The following TPRG1 variants were observed in gnomAD, a reference collection of about 807,000 sequenced individuals.
TPRG1 encodes tumor protein p63-regulated gene 1 protein.
A neutral mutation model predicts 29.3 loss-of-function variants in TPRG1; 29 were observed. The observed-to-expected ratio is 0.99, with a 90% CI of 0.74 to 1.35. The LOEUF (loss-of-function observed/expected upper bound fraction) is 1.35, where lower values mean the gene tolerates loss of function less well. Ranked by LOEUF, TPRG1 falls within the 40% of genes most tolerant of loss-of-function variation. The pLI is 0.00. For synonymous variants in TPRG1, 130 were observed against 116.8 expected, an observed-to-expected ratio of 1.11 and a Z score of -0.73; for missense variants, 327 against 335.0, an observed-to-expected ratio of 0.98 and a Z score of 0.19.
At chr3:189,015,021 AAGATGACGC>A (rs1452402983) in intron 3 of TPRG1, among the ~76,000 whole-genome samples, 3 of 152,312 alleles carry the variant, frequency 2.0e-5, no homozygotes, top group African/African-American at 7.2e-5. Context: ...AGAAGAAGAT[AAGATGACGC>A]AGGAAAGTTT....
chr3:189,021,567 T>A (rs1713311355), intron 3 of TPRG1, among the ~76,000 whole-genome samples: 1 of 152,186 alleles, frequency 6.6e-6, no homozygotes, highest in Non-Finnish European at 1.5e-5. Context: ...CCCCCCACTC[T>A]CTTCTGGCTT....
chr3:189,264,540 TC>T (rs199515141), intron 4 of TPRG1, among the ~76,000 whole-genome samples: 4,676 of 152,036 alleles, frequency 0.031, 237 homozygotes, highest in African/African-American at 0.11. Context: ...TCTTTTTTTT[TC>T]ATATCATTCC....
At chr3:189,045,814 A>C (rs1220464687) in intron 4 of TPRG1, among the ~76,000 whole-genome samples, 33 of 152,260 alleles carry the variant, frequency 2.2e-4, no homozygotes, top group Admixed American at 2.2e-3. Flanking sequence ...CCTGGGGCTG[A>C]CTGGTTTGGA....
chr3:189,018,000 A>T (rs955151522), intron 3 of TPRG1, among the ~76,000 whole-genome samples: 1 of 150,736 alleles, frequency 6.6e-6, no homozygotes, highest in African/African-American at 2.4e-5. Context: ...GCATTTTTTC[A>T]TGTGTTTTTT....
chr3:189,026,830 CGAA>C (rs1283037801), intron 4 of TPRG1, among the ~76,000 whole-genome samples: 1 of 152,020 alleles, frequency 6.6e-6, no homozygotes, highest in African/African-American at 2.4e-5. Flanking sequence ...GATTGAAAGA[CGAA>C]GGAGTAAGAT....
chr3:189,079,220 G>A (rs1717423316), intron 4 of TPRG1, among the ~76,000 whole-genome samples: 1 of 152,128 alleles, frequency 6.6e-6, no homozygotes, highest in African/African-American at 2.4e-5. Context: ...CACTCTTTAT[G>A]GCAAGTAGGG....
intron 1 of TPRG1, among the ~76,000 whole-genome samples, chr3:189,186,406 G>A (rs991221168): frequency 2.0e-5 from 3 of 152,126 alleles, no homozygotes; most frequent in East Asian, 1.9e-4. Flanking sequence ...CCTACCATTC[G>A]ATGTTTTTTT....
intron 3 of TPRG1, among the ~76,000 whole-genome samples, chr3:189,018,619 T>C (rs1488518395): frequency 1.3e-5 from 2 of 148,172 alleles, no homozygotes; most frequent in East Asian, 4.0e-4. Flanking sequence ...TACCATGCTG[T>C]TTTGGTTACT....
intron 4 of TPRG1, among the ~76,000 whole-genome samples, chr3:189,292,143 A>T (rs1408430646): frequency 5.3e-5 from 8 of 152,172 alleles, no homozygotes; most frequent in African/African-American, 1.2e-4. Context: ...TAGCAATAAG[A>T]TGTAATCTGT....
At chr3:189,195,435 G>A (rs781300308) in intron 1 of TPRG1, among the ~76,000 whole-genome samples, 26 of 152,144 alleles carry the variant, frequency 1.7e-4, no homozygotes, top group Non-Finnish European at 2.5e-4. Context: ...ATTGTGGCTT[G>A]GCTTGAGGAT....
At chr3:189,312,169 CTT>C (rs1722728909) in intron 5 of TPRG1, among the ~76,000 whole-genome samples, 105 of 66,026 alleles carry the variant, frequency 1.6e-3, no homozygotes, top group East Asian at 4.7e-3. Context: ...TTCTTTCTTT[CTT>C]TCTTTCTTTC....
chr3:189,214,962 A>ATTTTATATATATATAT, intron 2 of TPRG1, among the ~76,000 whole-genome samples: 14 of 147,460 alleles, frequency 9.5e-5, no homozygotes, highest in Admixed American at 2.9e-4. Context: ...GGTTTAATTT[A>ATTTTATATATATATAT]AAAATGTACA....
At chr3:189,298,996 A>G (rs187440890) in intron 4 of TPRG1, among the ~76,000 whole-genome samples, 82 of 152,234 alleles carry the variant, frequency 5.4e-4, no homozygotes, top group African/African-American at 1.7e-3. Flanking sequence ...TATGTATTCC[A>G]GACCATCTAC....
At chr3:189,266,265 A>ATTTGC (rs1286692838) in intron 4 of TPRG1, among the ~76,000 whole-genome samples, 1 of 152,106 alleles carries the variant, frequency 6.6e-6, no homozygotes, top group African/African-American at 2.4e-5. Flanking sequence ...TTACTTTCCA[A>ATTTGC]TTTGCTTTGC....
chr3:189,128,863 G>A (rs1036380500), intron 2 of TPRG1, among the ~76,000 whole-genome samples: 1 of 152,094 alleles, frequency 6.6e-6, no homozygotes, highest in Non-Finnish European at 1.5e-5. Context: ...TCCACCTCCC[G>A]GGTTCAAGCG....
intron 1 of TPRG1, among the ~76,000 whole-genome samples, chr3:189,204,602 C>A (rs1393085687): frequency 6.6e-6 from 1 of 152,152 alleles, no homozygotes; most frequent in Non-Finnish European, 1.5e-5. Context: ...GAGCGCAGAG[C>A]TTCCCCAAGT....
chr3:189,102,716 G>A (rs1159981420), intron 1 of TPRG1, among the ~76,000 whole-genome samples: 4 of 152,024 alleles, frequency 2.6e-5, no homozygotes, highest in African/African-American at 7.2e-5. Context: ...ATTCTTCCAT[G>A]GTTCCCCAAA....
intron 1 of TPRG1, among the ~76,000 whole-genome samples, chr3:189,104,154 C>T (rs1184037055): frequency 6.6e-6 from 1 of 152,042 alleles, no homozygotes; most frequent in Non-Finnish European, 1.5e-5. Flanking sequence ...GTAGATGCCC[C>T]CCAACAGTAG....
chr3:189,071,631 G>C (rs1186450015), intron 4 of TPRG1, among the ~76,000 whole-genome samples: 1 of 152,166 alleles, frequency 6.6e-6, no homozygotes, highest in Non-Finnish European at 1.5e-5. Context: ...CAGAGTAATA[G>C]CTCCAGCAAA....
Sources: allele counts gnomAD v4.1 joint callset (sites outside exome capture counted in the v4.1 genomes callset), GRCh38; gene constraint gnomAD v4.1.1; transcripts MANE v1.5; gene names NCBI Gene and HGNC (gene_info 2026-07-23, HGNC 2026-07-21).